The following GPATCH2L variants were observed in gnomAD, a reference collection of about 807,000 sequenced individuals.
GPATCH2L encodes the protein G-patch domain containing 2 like.
A neutral mutation model predicts 57.4 loss-of-function variants in GPATCH2L; 31 were observed. The ratio of observed to expected loss-of-function variants is 0.54; its 90% CI spans 0.41 to 0.73. The LOEUF (loss-of-function observed/expected upper bound fraction) is 0.73. Among genes scored for constraint, GPATCH2L ranks in the 30% least tolerant of loss-of-function variants. The probability of loss-of-function intolerance (pLI) is 0.00; values close to 1 mark genes in which losing one functional copy is unlikely to be tolerated. For synonymous variants in GPATCH2L, 199 were observed against 210.7 expected, an observed-to-expected ratio of 0.94 and a Z score of 0.48; for missense variants, 481 against 599.9, an observed-to-expected ratio of 0.80 and a Z score of 2.07.
intron 9 of GPATCH2L, among the ~76,000 whole-genome samples, chr14:76,196,785 C>T (rs896865211): frequency 3.3e-5 from 5 of 152,054 alleles, no homozygotes; most frequent in South Asian, 2.1e-4. Flanking sequence ...TAAATCAGAA[C>T]AGTTGATAGC....
Position 76,173,560 on chromosome 14 carries a change from T to G in GPATCH2L, c.919T>G (p.Leu307Val), listed in dbSNP as rs763051565. Residue 307 changes from leucine (L) to valine (V), a missense_variant, in exon 5 of 10, where the codon TTG (leucine) becomes GTG (valine). Physicochemically the swap from Leu to Val is conservative, Grantham distance 32 (BLOSUM62 1). Coordinates refer to ENST00000261530, the MANE Select transcript of GPATCH2L (RefSeq NM_017926.4). Reference sequence around the variant, plus strand: ...TCTTTTTTTAGGGTACCATACTCGCTTGAATCGTCTACCTGGAGCTGCAGC... The same window carrying G: ...TCTTTTTTTAGGGTACCATACTCGCGTGAATCGTCTACCTGGAGCTGCAGC... ...RPAQRGYHTR[L>V]NRLPGAAARC... The G allele has an allele frequency of 6.2e-7, 1 of 1,612,408 alleles. No individual in the cohort carries two copies. Among genetic ancestry groups the G allele is most frequent in the Non-Finnish European group, 8.5e-7 (1 of 1,178,842 alleles).
intron 2 of GPATCH2L, among the ~76,000 whole-genome samples, chr14:76,166,073 A>G (rs554976232): frequency 6.6e-6 from 1 of 152,352 alleles, no homozygotes; most frequent in African/African-American, 2.4e-5. Context: ...TTATATTTCA[A>G]TGAGTTCAAA....
rs1793715977 is a variant in GPATCH2L, at chr14:76,207,629, A to C, written c.*5778A>C. ...TCTCTTGCTAGGACTGAATCTCAGT[A>C]CTTCAGAGCATGTAAAAATCAATTT... On this transcript the variant is annotated 3_prime_UTR_variant, in exon 10 of 10. Transcript: ENST00000261530. The C allele has an allele frequency of 6.6e-6, 1 of 152,176 alleles. No homozygotes were observed. The highest frequency in any genetic ancestry group is 1.5e-5 in the Non-Finnish European group (1 of 68,030). The allele number at this position is 152,176 out of a possible 1,614,324, so 9.4% of individuals were successfully genotyped here. A position where few individuals can be genotyped will look rare whatever the true frequency, so the allele number is the denominator to read the frequency against.
rs563090775 is a variant in GPATCH2L at position 76,230,897 on chromosome 14, C to T, written c.*117+944C>T. Among the ~76,000 whole-genome samples, 9 of 152,170 alleles carry T rather than the reference C, an allele frequency of 5.9e-5. No homozygotes were observed. In the South Asian group the frequency reaches 1.5e-3, roughly 25 times the overall value. On this transcript the variant is annotated intron_variant and NMD_transcript_variant, in intron 2 of 3. Transcript: ENST00000556372. The stretch of plus-strand genomic sequence containing the variant: ...GGTAAAAGACTTTATTTGACAGAAG[C>T]GACAAGTAAATTAGGGGTGGAGGGC...
chr14:76,172,869 A>G (rs2039149718), intron 4 of GPATCH2L, among the ~76,000 whole-genome samples: 1 of 152,182 alleles, frequency 6.6e-6, no homozygotes, highest in South Asian at 2.1e-4. Flanking sequence ...GTCATGGCGA[A>G]CCAGCAGTTG....
intron 8 of GPATCH2L, among the ~76,000 whole-genome samples, chr14:76,187,937 T>C (rs776988501): frequency 6.6e-6 from 1 of 152,186 alleles, no homozygotes; most frequent in Non-Finnish European, 1.5e-5. Context: ...GTTTTGATTT[T>C]TAGATCCCAC....
At chr14:76,221,975 T>C (rs1287511208) in intron 1 of GPATCH2L, among the ~76,000 whole-genome samples, 1 of 152,220 alleles carries the variant, frequency 6.6e-6, no homozygotes, top group Non-Finnish European at 1.5e-5. Context: ...CTATGGACTT[T>C]GGATGATAAA....
In GPATCH2L at chr14:76,166,106, GT is replaced by G. The variant is rs551453298; in HGVS notation, c.663-552del. Among the ~76,000 whole-genome samples the G allele has an allele frequency of 8.3e-3, 1,263 of 152,232 alleles. 12 individuals carry two copies. Among genetic ancestry groups the G allele is most frequent in the Non-Finnish European group, 0.012 (826 of 67,986 alleles). ...AAATTAAGTTTGTTTTTATATTTTTGTTTTTAACTTTAGTTCCTTTTTTCAG... is the reference window on the plus strand; with the variant it reads ...AAATTAAGTTTGTTTTTATATTTTTGTTTTAACTTTAGTTCCTTTTTTCAG... On this transcript the variant is annotated intron_variant, in intron 2 of 9. Transcript: ENST00000261530.
intron 2 of GPATCH2L, chr14:76,230,380 G>T: frequency 6.6e-6 from 1 of 152,136 alleles, no homozygotes. Flanking sequence ...GTGATGAGTA[G>T]CTCCTGTATT....
Position 76,210,340 on chromosome 14 carries a change from T to TA in GPATCH2L, c.*8492dup, listed in dbSNP as rs1202661077. On this transcript the variant is annotated 3_prime_UTR_variant, in exon 10 of 10. Coordinates refer to ENST00000261530, the MANE Select transcript of GPATCH2L (RefSeq NM_017926.4). ...CAAGATTCAGATTCAAGTCTGATGT[T>TA]AAAGAGTGTCTGTTCCCAATCAATA... 6.6e-6 allele frequency: 1 copy of TA among 152,236 alleles called. No homozygotes were observed. Among genetic ancestry groups the TA allele is most frequent in the Non-Finnish European group, 1.5e-5 (1 of 68,044 alleles). 9.4% of individuals were successfully genotyped at this position (152,236 alleles called of 1,614,324 possible). A position where few individuals can be genotyped will look rare whatever the true frequency, so the allele number is the denominator to read the frequency against.
At chr14:76,178,065 A>G (rs770305521) in intron 7 of GPATCH2L, 23 bp downstream of exon 7, 44 of 1,574,278 alleles carry the variant, frequency 2.8e-5, no homozygotes, top group Middle Eastern at 3.3e-4. Flanking sequence ...CTTTCTTGTT[A>G]TTTTGATTTT....
At chr14:76,198,498 C>G (rs995525039) in intron 9 of GPATCH2L, among the ~76,000 whole-genome samples, 4 of 152,146 alleles carry the variant, frequency 2.6e-5, no homozygotes, top group African/African-American at 4.8e-5. Context: ...AGATTCCAAT[C>G]CTTTAAAAAG....
At chr14:76,160,426 A>G (rs955572543) in intron 2 of GPATCH2L, among the ~76,000 whole-genome samples, 1 of 152,216 alleles carries the variant, frequency 6.6e-6, no homozygotes, top group Non-Finnish European at 1.5e-5. Flanking sequence ...CTATTGCTAC[A>G]GAAAAAAATC....
At chr14:76,173,243 T>C (rs955161209) in intron 4 of GPATCH2L, among the ~76,000 whole-genome samples, 5 of 152,136 alleles carry the variant, frequency 3.3e-5, no homozygotes, top group Admixed American at 6.5e-5. Context: ...GTTTTCAGTT[T>C]ATAAAGTCCC....
At chr14:76,232,493 G>A (rs570217410) in intron 2 of GPATCH2L, among the ~76,000 whole-genome samples, 25 of 152,270 alleles carry the variant, frequency 1.6e-4, no homozygotes, top group African/African-American at 4.8e-4. Flanking sequence ...AACTCTGTTC[G>A]AGGTTAGCGG....
In GPATCH2L at chr14:76,204,887, C is replaced by T. The variant is rs760221319; in HGVS notation, c.*3036C>T. The T allele has an allele frequency of 1.3e-5, 2 of 152,100 alleles. No individual in the cohort carries two copies. Among genetic ancestry groups the T allele is most frequent in the African/African-American group, 4.8e-5 (2 of 41,410 alleles). The allele number at this position is 152,100 out of a possible 1,614,324, so 9.4% of individuals were successfully genotyped here. A position where few individuals can be genotyped will look rare whatever the true frequency, so the allele number is the denominator to read the frequency against. ...CATAATAAAAAGTTAGTTTTAATTA[C>T]GAGTTTAAAGGAATTTTAGATTTTT... On this transcript the variant is annotated 3_prime_UTR_variant, in exon 10 of 10. Coordinates refer to ENST00000261530, the MANE Select transcript of GPATCH2L (RefSeq NM_017926.4).
At chr14:76,216,848 A>G (rs571311955), downstream of GPATCH2L, among the ~76,000 whole-genome samples, 1 of 152,306 alleles carries the variant, frequency 6.6e-6, no homozygotes, top group African/African-American at 2.4e-5. Flanking sequence ...GGAACGATAT[A>G]GAAAATTCTG....
intron 1 of GPATCH2L, among the ~76,000 whole-genome samples, chr14:76,228,419 G>A (rs931823191): frequency 1.3e-5 from 2 of 152,194 alleles, no homozygotes; most frequent in Non-Finnish European, 2.9e-5. Context: ...TGCATTACAA[G>A]TCTTTACCTC....
intron 1 of GPATCH2L, among the ~76,000 whole-genome samples, chr14:76,221,108 A>G (rs2040513014): frequency 6.6e-6 from 1 of 151,902 alleles, no homozygotes; most frequent in South Asian, 2.1e-4. Context: ...TTTGCAAAAG[A>G]CACATCTGAT....
Sources: gnomAD v4.1 joint callset for allele counts (sites outside exome capture counted in the v4.1 genomes callset) on GRCh38, gnomAD v4.1.1 for gene constraint, MANE v1.5 for transcripts, NCBI Gene and HGNC (gene_info 2026-07-23, HGNC 2026-07-21) for gene names.